Variants in QTGAL observed in about 807,000 individuals in gnomAD.
QTGAL encodes queuosine-tRNA galactosyltransferase.
At chr17:83,023,658 C>T in the QTGAL span, among the ~76,000 whole-genome samples, 2 of 152,204 alleles carry the variant, frequency 1.3e-5, no homozygotes, top group Admixed American at 6.5e-5. Flanking sequence ...TGTGGTGAAA[C>T]GCTTTGGTCT....
chr17:82,964,879 G>A, the QTGAL span, among the ~76,000 whole-genome samples: 163 of 63,738 alleles, frequency 2.6e-3, 8 homozygotes, highest in Non-Finnish European at 3.9e-3. Context: ...CCCCACGGGG[G>A]GGACGGTGAC....
At chr17:83,033,359 G>T in the QTGAL span, among the ~76,000 whole-genome samples, 1 of 152,114 alleles carries the variant, frequency 6.6e-6, no homozygotes, top group Non-Finnish European at 1.5e-5. Flanking sequence ...CGTTCTCAGA[G>T]ATGCCAAGAA....
chr17:82,955,332 CAT>C, the QTGAL span, among the ~76,000 whole-genome samples: 9 of 152,134 alleles, frequency 5.9e-5, no homozygotes, highest in African/African-American at 2.2e-4. Context: ...CAAAAGAAGA[CAT>C]GTGGCCAAGA....
the QTGAL span, among the ~76,000 whole-genome samples, chr17:83,007,699 A>G: frequency 6.6e-6 from 1 of 152,106 alleles, no homozygotes; most frequent in Non-Finnish European, 1.5e-5. Flanking sequence ...ACCCCTCCCC[A>G]TGACTCCCCC....
At chr17:82,999,947 TTTG>T in the QTGAL span, among the ~76,000 whole-genome samples, 44 of 152,198 alleles carry the variant, frequency 2.9e-4, no homozygotes, top group South Asian at 8.3e-4. Flanking sequence ...ACTGGTTTTT[TTTG>T]TTGTTGTTTT....
the QTGAL span, chr17:82,957,397 G>A: frequency 9.3e-6 from 15 of 1,613,188 alleles, no homozygotes; most frequent in East Asian, 6.7e-5. Flanking sequence ...CGGTACAGCC[G>A]GCGCCCCTGC....
the QTGAL span, among the ~76,000 whole-genome samples, chr17:83,024,436 C>G: frequency 1.3e-5 from 2 of 152,270 alleles, no homozygotes; most frequent in Non-Finnish European, 2.9e-5. Flanking sequence ...AGACCACGCA[C>G]AAGACAGGCG....
chr17:82,978,244 G>A, the QTGAL span, among the ~76,000 whole-genome samples: 1 of 152,096 alleles, frequency 6.6e-6, no homozygotes, highest in African/African-American at 2.4e-5. This position sits in a 1 kb window ranked among gnomAD's most constrained non-coding sequence, Gnocchi z 4.8. Context: ...GCGAGTCTGT[G>A]AGTCCCATCT....
chr17:82,986,973 C>A, the QTGAL span, among the ~76,000 whole-genome samples: 1 of 152,232 alleles, frequency 6.6e-6, no homozygotes, highest in Non-Finnish European at 1.5e-5. Context: ...ACCATACCCC[C>A]ACGAGGCAGA....
chr17:82,952,027 G>C, the QTGAL span, among the ~76,000 whole-genome samples: 1 of 152,208 alleles, frequency 6.6e-6, no homozygotes, highest in African/African-American at 2.4e-5. Flanking sequence ...TGATGGGGTT[G>C]CTCTCGTGGG....
chr17:82,958,903 GTATAC>G, the QTGAL span, among the ~76,000 whole-genome samples: 6 of 116,016 alleles, frequency 5.2e-5, no homozygotes, highest in South Asian at 2.6e-4. Context: ...GTGTGTGTGT[GTATAC>G]TGTGTGGGGG....
At chr17:82,957,610 G>T in the QTGAL span, 1 of 1,357,026 alleles carries the variant, frequency 7.4e-7, no homozygotes, top group Non-Finnish European at 1.0e-6. Context: ...TGGACACCTG[G>T]CCCAATGCCT....
chr17:83,028,295 C>T, the QTGAL span, among the ~76,000 whole-genome samples: 15 of 151,782 alleles, frequency 9.9e-5, no homozygotes, highest in Non-Finnish European at 1.9e-4. Context: ...GAGGCCGAGG[C>T]GGGCGGATCA....
the QTGAL span, among the ~76,000 whole-genome samples, chr17:83,009,960 A>C: frequency 2.5e-5 from 2 of 81,018 alleles, no homozygotes; most frequent in African/African-American, 9.8e-5. Flanking sequence ...GCTGTGGGGG[A>C]GGGGAGCTGT....
At chr17:82,961,095 A>T in the QTGAL span, 1 of 1,610,492 alleles carries the variant, frequency 6.2e-7, no homozygotes, top group East Asian at 2.2e-5. Context: ...GGTGGTGGCG[A>T]TACAGCAGGA....
chr17:83,028,171 G>A, the QTGAL span, among the ~76,000 whole-genome samples: 1 of 152,050 alleles, frequency 6.6e-6, no homozygotes, highest in Non-Finnish European at 1.5e-5. Context: ...TAAAAGGTAA[G>A]AGGTGAGATA....
At chr17:83,007,389 T>G in the QTGAL span, 1 of 572,006 alleles carries the variant, frequency 1.7e-6, no homozygotes, top group Non-Finnish European at 2.2e-6. Context: ...CAATTGCATC[T>G]GTTTCCTGGT....
chr17:83,038,133 G>C, the QTGAL span, among the ~76,000 whole-genome samples: 1 of 152,298 alleles, frequency 6.6e-6, no homozygotes, highest in African/African-American at 2.4e-5. Flanking sequence ...CTTCTGAAAA[G>C]AGACACTTTG....
the QTGAL span, among the ~76,000 whole-genome samples, chr17:82,970,462 A>G: frequency 6.6e-6 from 1 of 152,098 alleles, no homozygotes; most frequent in African/African-American, 2.4e-5. Flanking sequence ...AGACACCTGG[A>G]GCTTCTGCCG....
Sources: allele counts gnomAD v4.1 joint callset (sites outside exome capture counted in the v4.1 genomes callset), GRCh38; gene constraint gnomAD v4.1.1; non-coding constraint Gnocchi (gnomAD v3.1); transcripts MANE v1.5; gene names NCBI Gene and HGNC (gene_info 2026-07-23, HGNC 2026-07-21).